Variants in LRRC37A2 observed in about 807,000 individuals in gnomAD.
LRRC37A2 encodes the protein leucine-rich repeat-containing protein 37A2.
A neutral mutation model predicts 68.8 loss-of-function variants in LRRC37A2; 9 were observed. That is an observed-to-expected ratio of 0.13 (90% CI 0.08 to 0.23). The LOEUF (loss-of-function observed/expected upper bound fraction) is 0.23. Ranked by LOEUF, LRRC37A2 falls within the 10% of genes least tolerant of loss-of-function variation. The pLI is 1.00. For missense variants in LRRC37A2, 168 were observed against 950.4 expected, an observed-to-expected ratio of 0.18 and a Z score of 10.82; for synonymous variants, 63 against 367.6, an observed-to-expected ratio of 0.17 and a Z score of 9.48.
chr17:46,939,216 A>G, the LRRC37A2 span: 8 of 1,073,422 alleles, frequency 7.5e-6, no homozygotes, highest in South Asian at 3.0e-5. Flanking sequence ...CACAGCCATT[A>G]TATTAAATAG....
the LRRC37A2 span, among the ~76,000 whole-genome samples, chr17:46,981,064 G>A: frequency 1.3e-5 from 2 of 152,254 alleles, no homozygotes; most frequent in Middle Eastern, 3.4e-3. Context: ...TTTGATTGTT[G>A]CAGGAGAGTA....
chr17:46,780,758 C>T, the LRRC37A2 span, among the ~76,000 whole-genome samples: 2 of 152,112 alleles, frequency 1.3e-5, no homozygotes, highest in East Asian at 3.9e-4. Flanking sequence ...GCCTGGGTGA[C>T]AGAGCAAGAC....
chr17:46,888,935 C>G, the LRRC37A2 span, among the ~76,000 whole-genome samples: 3 of 152,134 alleles, frequency 2.0e-5, no homozygotes, highest in Non-Finnish European at 4.4e-5. Flanking sequence ...CTGAGGCATG[C>G]AAAGGTTAAG....
At chr17:46,944,610 CT>C in the LRRC37A2 span, among the ~76,000 whole-genome samples, 70,456 of 144,100 alleles carry the variant, frequency 0.49, 17,533 homozygotes, top group Non-Finnish European at 0.57. Context: ...TTTTAATTTT[CT>C]TTTTTTTTTT....
the LRRC37A2 span, among the ~76,000 whole-genome samples, chr17:46,858,778 T>G: frequency 2.0e-5 from 3 of 152,138 alleles, no homozygotes. Context: ...GTGATCCTCC[T>G]GCCTTAGCCT....
At chr17:46,904,853 G>T in the LRRC37A2 span, among the ~76,000 whole-genome samples, 1 of 152,142 alleles carries the variant, frequency 6.6e-6, no homozygotes, top group Non-Finnish European at 1.5e-5. Flanking sequence ...CTTGCCTGGG[G>T]TTTCCTGCAG....
chr17:46,940,977 G>T, the LRRC37A2 span: 2 of 1,196,048 alleles, frequency 1.7e-6, no homozygotes, highest in East Asian at 1.0e-4. Context: ...TGTAGGGAAG[G>T]GTCCAGGCCA....
At chr17:46,786,126 C>T in the LRRC37A2 span, among the ~76,000 whole-genome samples, 61 of 116,756 alleles carry the variant, frequency 5.2e-4, no homozygotes, top group African/African-American at 1.7e-3. Flanking sequence ...GAGGAGGGTG[C>T]GAGAGAGGGA....
chr17:46,818,445 C>T, the LRRC37A2 span: 3 of 1,493,104 alleles, frequency 2.0e-6, no homozygotes, highest in Admixed American at 2.0e-5. Flanking sequence ...CGGCCCACCC[C>T]CAGCCGGCGC....
the LRRC37A2 span, among the ~76,000 whole-genome samples, chr17:47,046,180 CAA>C: frequency 1.6e-5 from 2 of 123,538 alleles, no homozygotes; most frequent in Non-Finnish European, 3.5e-5. Flanking sequence ...TACAAAAGTA[CAA>C]AAAAAAAAAA....
At chr17:46,846,171 G>A in the LRRC37A2 span, among the ~76,000 whole-genome samples, 1 of 152,178 alleles carries the variant, frequency 6.6e-6, no homozygotes, top group East Asian at 1.9e-4. Flanking sequence ...ACTGCTCAAA[G>A]CACTCCTGCT....
At chr17:46,999,310 T>C in the LRRC37A2 span, among the ~76,000 whole-genome samples, 13 of 152,068 alleles carry the variant, frequency 8.5e-5, no homozygotes, top group Non-Finnish European at 1.6e-4. Flanking sequence ...CTTCATACAG[T>C]GTTTGGCATC....
At chr17:46,819,845 T>C in the LRRC37A2 span, among the ~76,000 whole-genome samples, 2 of 152,190 alleles carry the variant, frequency 1.3e-5, no homozygotes. The surrounding 1 kb of genome is among the most constrained non-coding windows in gnomAD (Gnocchi z 5.3). Flanking sequence ...CTGGGTGGTA[T>C]TGACATCATG....
the LRRC37A2 span, among the ~76,000 whole-genome samples, chr17:46,758,020 C>T: frequency 6.6e-6 from 1 of 151,878 alleles, no homozygotes. Flanking sequence ...AAAATCAACT[C>T]AGGTACCTAA....
chr17:46,982,765 T>C, the LRRC37A2 span, among the ~76,000 whole-genome samples: 1 of 152,150 alleles, frequency 6.6e-6, no homozygotes, highest in African/African-American at 2.4e-5. Context: ...GGCTTGTGGA[T>C]GTAAACAAAG....
the LRRC37A2 span, among the ~76,000 whole-genome samples, chr17:46,707,530 A>G: frequency 5.9e-5 from 9 of 152,120 alleles, no homozygotes; most frequent in Non-Finnish European, 4.4e-5. Flanking sequence ...CCATTAAATA[A>G]TAACTCTTTT....
At chr17:46,787,580 G>A in the LRRC37A2 span, among the ~76,000 whole-genome samples, 1 of 152,172 alleles carries the variant, frequency 6.6e-6, no homozygotes, top group African/African-American at 2.4e-5. Context: ...CACGCAGATC[G>A]TTCTTGAAGT....
chr17:46,494,681 T>C, the LRRC37A2 span, among the ~76,000 whole-genome samples: 2 of 151,546 alleles, frequency 1.3e-5, no homozygotes, highest in African/African-American at 4.9e-5. Context: ...TTCCACACCT[T>C]CTTTTTTCAC....
At chr17:46,404,877 T>C in the LRRC37A2 span, among the ~76,000 whole-genome samples, 1 of 71,502 alleles carries the variant, frequency 1.4e-5, no homozygotes, top group East Asian at 3.0e-4. Context: ...CTCAAACAAA[T>C]TAAAATAAAT....
Sources: allele counts gnomAD v4.1 joint callset (sites outside exome capture counted in the v4.1 genomes callset), GRCh38; gene constraint gnomAD v4.1.1; non-coding constraint Gnocchi (gnomAD v3.1); transcripts MANE v1.5; gene names NCBI Gene and HGNC (gene_info 2026-07-23, HGNC 2026-07-21).